Variants in ZNF654 observed in about 807,000 individuals in gnomAD.
The protein encoded by ZNF654 is zinc finger protein 654.
A neutral mutation model predicts 95.3 loss-of-function variants in ZNF654; 19 were observed. The ratio of observed to expected loss-of-function variants is 0.20; its 90% CI spans 0.14 to 0.29. ZNF654 has a LOEUF of 0.29. Ranked by LOEUF, ZNF654 falls within the 10% of genes least tolerant of loss-of-function variation. The probability of loss-of-function intolerance (pLI) is 1.00; values close to 1 mark genes in which losing one functional copy is unlikely to be tolerated. For synonymous variants in ZNF654, 413 were observed against 457.9 expected, an observed-to-expected ratio of 0.90 and a Z score of 1.25; for missense variants, 1,046 against 1,341.0, an observed-to-expected ratio of 0.78 and a Z score of 3.44.
chr3:88,088,826 AC>A (rs940633377), intron 2 of ZNF654, among the ~76,000 whole-genome samples: 1 of 151,866 alleles, frequency 6.6e-6, no homozygotes, highest in African/African-American at 2.4e-5. Flanking sequence ...AGGTTGGAGT[AC>A]AGTGGCATGA....
intron 1 of ZNF654, among the ~76,000 whole-genome samples, chr3:88,074,016 T>C (rs979748166): frequency 2.0e-5 from 3 of 152,194 alleles, no homozygotes; most frequent in African/African-American, 7.2e-5. Context: ...TCCTTTCCAG[T>C]TTTAATTTGA....
rs545111165 is a variant in ZNF654, at chr3:88,125,081, GAC to G, written c.415-1050_415-1049del. Reference sequence around the variant, plus strand: ...ATACAAAAAATTAGCTGGGCATGGTGACACGCGCCTGTAGTCCCAGCTACTTG... The same window carrying G: ...ATACAAAAAATTAGCTGGGCATGGTGACGCGCCTGTAGTCCCAGCTACTTG... On this transcript the variant is annotated intron_variant, in intron 3 of 8. Transcript: ENST00000636215. Among the ~76,000 whole-genome samples, 316 of 152,056 alleles carry G rather than the reference GAC, an allele frequency of 2.1e-3. 1 individual carries two copies. The highest frequency in any genetic ancestry group is 6.8e-3 in the Middle Eastern group (2 of 294).
intron 2 of ZNF654, among the ~76,000 whole-genome samples, chr3:88,103,379 C>T (rs1252918106): frequency 1.3e-5 from 2 of 152,070 alleles, no homozygotes; most frequent in Non-Finnish European, 2.9e-5. Flanking sequence ...CTTTAGTAGA[C>T]TTAATGCAGC....
At chr3:88,113,694 T>G (rs1015692607) in intron 3 of ZNF654, among the ~76,000 whole-genome samples, 2 of 152,212 alleles carry the variant, frequency 1.3e-5, no homozygotes, top group African/African-American at 4.8e-5. Flanking sequence ...AGACATTTGA[T>G]CTTTTTACTA....
rs1441083452 is a variant in ZNF654 at position 88,140,352 on chromosome 3, A to C, written c.2683A>C (p.Asn895His). Reference protein sequence around the residue: ...LWDVQTDSNPNQEKDSSSNEK... With the variant: ...LWDVQTDSNPHQEKDSSSNEK... ...GGATGTTCAGACAGACTCAAATCCT[A>C]ATCAGGAAAAAGACTCATCTAGTAA... is the stretch of plus-strand genomic sequence containing the variant. The change falls in exon 8 of 9, where the codon AAT (asparagine) becomes CAT (histidine). Residue 895 changes from asparagine to histidine, a missense_variant. By Grantham distance (68) the Asn-to-His change is moderately conservative. This residue lies in a region of ZNF654 where 495 missense variants were observed against 537.0 expected (regional missense o/e 0.92). Transcript: ENST00000636215. The C allele has an allele frequency of 6.2e-7, 1 of 1,613,364 alleles. No individual in the cohort carries two copies. The highest frequency in any genetic ancestry group is 8.5e-7 in the Non-Finnish European group (1 of 1,179,574).
intron 3 of ZNF654, among the ~76,000 whole-genome samples, chr3:88,117,032 G>A (rs1576312757): frequency 6.6e-6 from 1 of 152,098 alleles, no homozygotes; most frequent in Non-Finnish European, 1.5e-5. Context: ...TGCTGAGGTT[G>A]AGTTTATAAT....
intron 2 of ZNF654, among the ~76,000 whole-genome samples, chr3:88,099,511 A>G (rs568252496): frequency 8.5e-5 from 13 of 152,134 alleles, no homozygotes; most frequent in African/African-American, 3.1e-4. Flanking sequence ...AAGAGCCCGC[A>G]TTGCCAAGAC....
chr3:88,084,979 G>T (rs1203402004), intron 1 of ZNF654, among the ~76,000 whole-genome samples: 2 of 152,158 alleles, frequency 1.3e-5, no homozygotes, highest in African/African-American at 4.8e-5. Flanking sequence ...CATTATACTG[G>T]CTATAAACAG....
chr3:88,120,244 C>T (rs114619782), intron 3 of ZNF654, among the ~76,000 whole-genome samples: 8,677 of 152,242 alleles, frequency 0.057, 275 homozygotes, highest in Admixed American at 0.078. Context: ...AAGTCTTACT[C>T]TTAACCCAGC....
intron 2 of ZNF654, among the ~76,000 whole-genome samples, chr3:88,100,377 A>T (rs1484915855): frequency 6.6e-6 from 1 of 152,194 alleles, no homozygotes; most frequent in East Asian, 1.9e-4. Context: ...TGTTGGTGGG[A>T]CTGTAAACTA....
intron 2 of ZNF654, among the ~76,000 whole-genome samples, chr3:88,103,604 CAGAAACT>C (rs1189325392): frequency 6.6e-6 from 1 of 151,800 alleles, no homozygotes; most frequent in Non-Finnish European, 1.5e-5. Context: ...GATCCAGCTA[CAGAAACT>C]AGAACACAAG....
At position 88,065,863 on chromosome 3, in the gene ZNF654, A is replaced by AG. The variant is rs533554722; in HGVS notation, c.186+6359dup. Among the ~76,000 whole-genome samples, 3 of 152,256 alleles carry AG rather than the reference A, an allele frequency of 2.0e-5. No individual in the cohort carries two copies. In the South Asian group the frequency reaches 6.2e-4, roughly 32 times the overall value. On this transcript the variant is annotated intron_variant, in intron 1 of 8. Coordinates refer to ENST00000636215, the MANE Select transcript of ZNF654 (RefSeq NM_001350134.2). ...GCACCCATCAGCCCCCACCCCCAGT[A>AG]GCTGGGACTTCAGGTGTGCACCACC...
chr3:88,059,381 T>G lies in ZNF654; in HGVS notation c.62T>G (p.Val21Gly), dbSNP rs1248892617. 6.5e-7 allele frequency: 1 copy of G among 1,535,294 alleles called. No individual in the cohort carries two copies. Among genetic ancestry groups the G allele is most frequent in the South Asian group, 1.2e-5 (1 of 84,052 alleles). ...CTCGGAGAAGAGCTTGTGGCCATTG[T>G]GGAGTCCCCGCTGGGCCCTGTGGGG... is the stretch of plus-strand genomic sequence containing the variant. ...ERLGEELVAIVESPLGPVGLR... is the reference protein window; with the variant it reads ...ERLGEELVAIGESPLGPVGLR... Residue 21 changes from valine to glycine, a missense_variant, in exon 1 of 9, where the codon GTG becomes GGG. Transcript: ENST00000636215.
chr3:88,080,610 T>C (rs1451801812), intron 1 of ZNF654, among the ~76,000 whole-genome samples: 1 of 152,096 alleles, frequency 6.6e-6, no homozygotes, highest in African/African-American at 2.4e-5. Context: ...TTCCAAAGCC[T>C]ATACTCTTTC....
Position 88,140,581 on chromosome 3 carries a change from G to A in ZNF654, c.2912G>A (p.Cys971Tyr), listed in dbSNP as rs756158315. The A allele has an allele frequency of 1.6e-5, 26 of 1,613,590 alleles. No individual in the cohort carries two copies. The highest frequency in any genetic ancestry group is 1.9e-5 in the Non-Finnish European group (23 of 1,179,740). ...ATAGAGCCAAATTCTGAAAATAATT[G>A]TAGTAGTAGTGATATAGTCAATGGA... is the stretch of plus-strand genomic sequence containing the variant. ...PDIEPNSENN[C>Y]SSSDIVNGHS... The change falls in exon 8 of 9, where the codon TGT (cysteine) becomes TAT (tyrosine). Residue 971 changes from cysteine to tyrosine, a missense_variant. Cys to Tyr is a radical substitution (Grantham distance 194). Coordinates refer to ENST00000636215, the MANE Select transcript of ZNF654 (RefSeq NM_001350134.2).
chr3:88,101,179 A>AT (rs1049745032), intron 2 of ZNF654, among the ~76,000 whole-genome samples: 3 of 152,096 alleles, frequency 2.0e-5, no homozygotes, highest in East Asian at 3.9e-4. Flanking sequence ...TAATTCAGTG[A>AT]TTTTTTGGTA....
chr3:88,104,672 CTAGAG>C (rs1251803993), intron 2 of ZNF654, among the ~76,000 whole-genome samples: 1 of 152,134 alleles, frequency 6.6e-6, no homozygotes, highest in African/African-American at 2.4e-5. Context: ...TTTGTAAACT[CTAGAG>C]TAACCGCTAA....
intron 3 of ZNF654, among the ~76,000 whole-genome samples, chr3:88,125,799 A>G (rs1385674857): frequency 6.6e-6 from 1 of 152,144 alleles, no homozygotes; most frequent in Admixed American, 6.5e-5. Context: ...GAGAAATTTT[A>G]TGAACCTTTA....
chr3:88,140,283 A>G lies in ZNF654; in HGVS notation c.2614A>G (p.Lys872Glu), dbSNP rs1326071501. 6.2e-7 allele frequency: 1 copy of G among 1,613,802 alleles called. No individual in the cohort carries two copies. Among genetic ancestry groups the G allele is most frequent in the South Asian group, 1.1e-5 (1 of 91,070 alleles). Residue 872 changes from lysine (K) to glutamate (E), a missense_variant, in exon 8 of 9, where the codon AAA becomes GAA. Coordinates refer to ENST00000636215, the MANE Select transcript of ZNF654 (RefSeq NM_001350134.2). ...YEHEAQHYLS[K>E]TPESSAQPSE... Reference sequence around the variant, plus strand: ...ACATGAAGCTCAACACTATTTAAGTAAAACACCAGAGTCATCTGCACAACC... The same window carrying G: ...ACATGAAGCTCAACACTATTTAAGTGAAACACCAGAGTCATCTGCACAACC...
Sources: gnomAD v4.1 joint callset for allele counts (sites outside exome capture counted in the v4.1 genomes callset) on GRCh38, gnomAD v4.1.1 for gene constraint, gnomAD v4.1.1 regional missense constraint, MANE v1.5 for transcripts, NCBI Gene and HGNC (gene_info 2026-07-23, HGNC 2026-07-21) for gene names.